The following SLC8A3 variants were observed in gnomAD, a reference collection of about 807,000 sequenced individuals.
SLC8A3 encodes the protein sodium/calcium exchanger 3.
A neutral mutation model predicts 65.4 loss-of-function variants in SLC8A3; 37 were observed. That is an observed-to-expected ratio of 0.57 (90% CI 0.44 to 0.74). The LOEUF is 0.74. SLC8A3 is among the 30% of genes least tolerant of loss of function. The pLI is 0.00. For synonymous variants in SLC8A3, 461 were observed against 444.5 expected, an observed-to-expected ratio of 1.04 and a Z score of -0.47; for missense variants, 1,112 against 1,172.1, an observed-to-expected ratio of 0.95 and a Z score of 0.75.
intron 5 of SLC8A3, among the ~76,000 whole-genome samples, chr14:70,050,548 A>C (rs1047057589): frequency 1.3e-5 from 2 of 152,116 alleles, no homozygotes; most frequent in East Asian, 3.8e-4. Flanking sequence ...AATCATCCAG[A>C]GTGTTTTGTT....
intron 1 of SLC8A3, among the ~76,000 whole-genome samples, chr14:70,175,736 TC>T (rs1897865036): frequency 5.8e-5 from 8 of 137,196 alleles, no homozygotes; most frequent in Middle Eastern, 4.1e-3. Flanking sequence ...CTTTTTTTTT[TC>T]TTTTTTTTTT....
chr14:70,172,521 C>A (rs894105208), intron 1 of SLC8A3, among the ~76,000 whole-genome samples: 4 of 152,112 alleles, frequency 2.6e-5, no homozygotes, highest in Non-Finnish European at 5.9e-5. Context: ...AGAGGAGAAA[C>A]TTACTGTTTC....
intron 2 of SLC8A3, among the ~76,000 whole-genome samples, chr14:70,127,779 T>C (rs1352180579): frequency 6.6e-6 from 1 of 152,166 alleles, no homozygotes; most frequent in Non-Finnish European, 1.5e-5. Context: ...TCACTGATGG[T>C]TTGTGCCCAG....
intron 2 of SLC8A3, among the ~76,000 whole-genome samples, chr14:70,164,628 A>G (rs1414476633): frequency 6.6e-6 from 1 of 152,222 alleles, no homozygotes; most frequent in African/African-American, 2.4e-5. Context: ...TTGATTATTA[A>G]TAGAATGAGG....
intron 3 of SLC8A3, among the ~76,000 whole-genome samples, chr14:70,056,426 G>A (rs1344352985): frequency 1.3e-5 from 2 of 152,146 alleles, no homozygotes; most frequent in African/African-American, 4.8e-5. Context: ...CTGCCACGTT[G>A]ACTAGAACTT....
intron 2 of SLC8A3, among the ~76,000 whole-genome samples, chr14:70,133,192 A>T (rs1335444646): frequency 6.6e-6 from 1 of 152,180 alleles, no homozygotes; most frequent in Non-Finnish European, 1.5e-5. Context: ...GGCCTTTACC[A>T]TTTGTTCAAG....
chr14:70,149,961 G>C (rs959430979), intron 2 of SLC8A3, among the ~76,000 whole-genome samples: 16 of 152,144 alleles, frequency 1.1e-4, no homozygotes, highest in African/African-American at 3.6e-4. Flanking sequence ...CCCAGATAAT[G>C]ACATTTCCCT....
chr14:70,145,644 C>G (rs1895877077), intron 2 of SLC8A3, among the ~76,000 whole-genome samples: 1 of 152,174 alleles, frequency 6.6e-6, no homozygotes, highest in South Asian at 2.1e-4. Flanking sequence ...CACTGTCAAA[C>G]AGATCATTGT....
At chr14:70,110,075 T>C (rs749639956) in intron 2 of SLC8A3, among the ~76,000 whole-genome samples, 17 of 152,154 alleles carry the variant, frequency 1.1e-4, no homozygotes, top group Non-Finnish European at 2.1e-4. Flanking sequence ...GGGTATGTAG[T>C]AGTTGTATAT....
At chr14:70,057,437 G>A (rs1014916066) in intron 3 of SLC8A3, among the ~76,000 whole-genome samples, 1 of 152,150 alleles carries the variant, frequency 6.6e-6, no homozygotes, top group Admixed American at 6.5e-5. Context: ...AATGAACACA[G>A]GTGGGTCAGA....
At chr14:70,062,929 G>T (rs1337079132) in intron 2 of SLC8A3, among the ~76,000 whole-genome samples, 1 of 152,154 alleles carries the variant, frequency 6.6e-6, no homozygotes, top group East Asian at 1.9e-4. Flanking sequence ...GGAAGGGGAA[G>T]GAACATTGCC....
At chr14:70,186,600 C>T (rs12050334) in intron 1 of SLC8A3, among the ~76,000 whole-genome samples, 88,592 of 152,060 alleles carry the variant, frequency 0.58, 26,086 homozygotes, top group East Asian at 0.68. Flanking sequence ...TATCTGCTTC[C>T]TCTCAACCCA....
At chr14:70,128,015 A>G (rs35141280) in intron 2 of SLC8A3, among the ~76,000 whole-genome samples, 8,082 of 152,274 alleles carry the variant, frequency 0.053, 295 homozygotes, top group Non-Finnish European at 0.081. Flanking sequence ...GTATATCCAA[A>G]GCAACATGTC....
chr14:70,057,868 C>G (rs1410245149), intron 3 of SLC8A3, among the ~76,000 whole-genome samples: 1 of 151,992 alleles, frequency 6.6e-6, no homozygotes, highest in Admixed American at 6.6e-5. Context: ...AAAGGAGGAC[C>G]AAACAGGCCC....
chr14:70,094,465 T>C (rs942882566), intron 2 of SLC8A3, among the ~76,000 whole-genome samples: 8 of 152,334 alleles, frequency 5.3e-5, no homozygotes, highest in African/African-American at 1.9e-4. Flanking sequence ...TGGAAGAAAC[T>C]TGCATGCACA....
intron 2 of SLC8A3, among the ~76,000 whole-genome samples, chr14:70,159,122 T>C (rs1896737319): frequency 6.6e-6 from 1 of 151,988 alleles, no homozygotes; most frequent in African/African-American, 2.4e-5. Context: ...AAACCAACAA[T>C]AAGGGGCCAG....
chr14:70,186,491 A>C (rs1883229465), intron 1 of SLC8A3, among the ~76,000 whole-genome samples: 1 of 152,200 alleles, frequency 6.6e-6, no homozygotes, highest in Non-Finnish European at 1.5e-5. Flanking sequence ...TTGGAAGAAG[A>C]ATAAAGCATT....
At chr14:70,051,823 AT>A (rs1221795663) in intron 4 of SLC8A3, among the ~76,000 whole-genome samples, 166 bp downstream of exon 4, 1 of 152,160 alleles carries the variant, frequency 6.6e-6, no homozygotes, top group Admixed American at 6.5e-5. Flanking sequence ...GGTCAGCACT[AT>A]TTGTTTCATG....
At chr14:70,075,496 T>C (rs993711826) in intron 2 of SLC8A3, among the ~76,000 whole-genome samples, 9 of 152,222 alleles carry the variant, frequency 5.9e-5, no homozygotes, top group African/African-American at 1.9e-4. Context: ...CAGTTTTCTC[T>C]GGCCTTCACT....
Sources: gnomAD v4.1 joint callset for allele counts (sites outside exome capture counted in the v4.1 genomes callset) on GRCh38, gnomAD v4.1.1 for gene constraint, MANE v1.5 for transcripts, NCBI Gene and HGNC (gene_info 2026-07-23, HGNC 2026-07-21) for gene names.